The following EML6 variants were observed in gnomAD, a reference collection of about 807,000 sequenced individuals.
EML6 encodes echinoderm microtubule-associated protein-like 6.
EML6 carries 154 observed loss-of-function variants against 240.1 expected under a neutral mutation model. The ratio of observed to expected loss-of-function variants is 0.64; its 90% CI spans 0.56 to 0.73. The LOEUF (loss-of-function observed/expected upper bound fraction) is 0.73. Ranked by LOEUF, EML6 falls within the 30% of genes least tolerant of loss-of-function variation. The pLI is 0.00. For missense variants in EML6, 2,964 were observed against 2,474.6 expected (o/e 1.20, Z -4.20); for synonymous variants, 1,148 against 899.0 (o/e 1.28, Z -4.95).
chr2:54,871,052 A>C (rs1219579886), intron 15 of EML6, among the ~76,000 whole-genome samples: 1 of 152,170 alleles, frequency 6.6e-6, no homozygotes, highest in Non-Finnish European at 1.5e-5. Context: ...GTTATTTCCC[A>C]GGGGGAGAAG....
intron 5 of EML6, among the ~76,000 whole-genome samples, chr2:54,823,866 C>T (rs1668448888): frequency 1.3e-5 from 2 of 148,214 alleles, no homozygotes; most frequent in Non-Finnish European, 3.0e-5. Context: ...CTCTCTCTCT[C>T]TCTCTCTCTC....
At chr2:54,966,224 A>C (rs965664413) in intron 38 of EML6, among the ~76,000 whole-genome samples, 26 of 152,220 alleles carry the variant, frequency 1.7e-4, no homozygotes, top group African/African-American at 6.0e-4. Context: ...CAAGGTGCTG[A>C]ATTTAGATGC....
chr2:54,937,573 A>AG (rs1177972189), intron 28 of EML6, among the ~76,000 whole-genome samples: 1 of 151,272 alleles, frequency 6.6e-6, no homozygotes, highest in African/African-American at 2.4e-5. Context: ...AAAAAAAAAA[A>AG]AAAAAAAAAG....
At chr2:54,834,174 C>T (rs756494634) in intron 7 of EML6, among the ~76,000 whole-genome samples, 12 of 152,158 alleles carry the variant, frequency 7.9e-5, no homozygotes, top group Non-Finnish European at 1.2e-4. Context: ...AGAACTCCCT[C>T]ACTTCATGGA....
intron 2 of EML6, among the ~76,000 whole-genome samples, chr2:54,751,862 A>G (rs1030292296): frequency 6.6e-6 from 1 of 152,220 alleles, no homozygotes; most frequent in Non-Finnish European, 1.5e-5. Flanking sequence ...CAAAAAGAGG[A>G]TGAAACTTTT....
chr2:54,805,575 G>A (rs1670424876), intron 2 of EML6, among the ~76,000 whole-genome samples: 1 of 151,980 alleles, frequency 6.6e-6, no homozygotes, highest in Non-Finnish European at 1.5e-5. Context: ...TATATTCTGG[G>A]TAGAACTTTG....
Position 54,869,367 on chromosome 2 carries a change from G to C in EML6, c.2238G>C (p.Gln746His). The change falls in exon 15 of 42, where the codon CAG (glutamine) becomes CAC (histidine). Residue 746 changes from glutamine to histidine, a missense_variant and splice_region_variant. Gln to His is a conservative substitution (Grantham distance 24). Coordinates refer to ENST00000356458, the MANE Select transcript of EML6 (RefSeq NM_001039753.4). ...TGAAGGACTATGTGGCTACTGGGCA[G>C]GTATCTATCTCCTGTAAACTAGGGC... ...HPVKDYVATG[Q>H]VGRDAAIHVW... is the part of the protein sequence containing the mutation. The C allele has an allele frequency of 6.5e-7, 1 of 1,544,924 alleles. No homozygotes were observed. The highest frequency in any genetic ancestry group is 8.8e-7 in the Non-Finnish European group (1 of 1,142,216).
At chr2:54,864,031 T>C (rs1474993306) in intron 13 of EML6, 142 bp downstream of exon 13, 1 of 556,476 alleles carries the variant, frequency 1.8e-6, no homozygotes, top group African/African-American at 2.0e-5. Context: ...TTTGTGCCTT[T>C]AAGTGCAGGT....
chr2:54,732,427 C>T (rs1329720350), intron 2 of EML6, among the ~76,000 whole-genome samples: 1 of 152,056 alleles, frequency 6.6e-6, no homozygotes, highest in Non-Finnish European at 1.5e-5. Flanking sequence ...ATAGTTTTAG[C>T]TCTTACATTT....
intron 2 of EML6, among the ~76,000 whole-genome samples, chr2:54,760,684 T>G (rs1667940011): frequency 6.6e-6 from 1 of 152,176 alleles, no homozygotes; most frequent in South Asian, 2.1e-4. Flanking sequence ...TATGAAGAAG[T>G]AAGTTTCTAT....
intron 7 of EML6, among the ~76,000 whole-genome samples, chr2:54,841,507 T>A (rs1157636324): frequency 2.6e-5 from 4 of 152,102 alleles, no homozygotes; most frequent in Non-Finnish European, 2.9e-5. Context: ...AAGATCAAGA[T>A]TATAGTTAGG....
chr2:54,861,702 G>T (rs1670680073), intron 12 of EML6, among the ~76,000 whole-genome samples: 1 of 151,746 alleles, frequency 6.6e-6, no homozygotes, highest in Admixed American at 6.6e-5. Context: ...AAAACCATTG[G>T]CCAGTCAGAT....
intron 26 of EML6, among the ~76,000 whole-genome samples, chr2:54,925,146 G>T (rs1007796162): frequency 6.6e-6 from 1 of 152,050 alleles, no homozygotes; most frequent in African/African-American, 2.4e-5. Context: ...TAGAATCAGT[G>T]TCCTTATAGA....
At chr2:54,766,304 G>A (rs548583415) in intron 2 of EML6, among the ~76,000 whole-genome samples, 4 of 152,158 alleles carry the variant, frequency 2.6e-5, no homozygotes, top group Admixed American at 6.5e-5. Flanking sequence ...CCCAGATCAC[G>A]TGTTAAACAT....
chr2:54,945,849 G>C (rs1259119838), intron 28 of EML6, among the ~76,000 whole-genome samples: 1 of 152,232 alleles, frequency 6.6e-6, no homozygotes, highest in Non-Finnish European at 1.5e-5. Flanking sequence ...CTCTTCAGCA[G>C]CCCAGCGCTG....
At chr2:54,826,128 T>A (rs111231374) in intron 5 of EML6, among the ~76,000 whole-genome samples, 12 of 152,326 alleles carry the variant, frequency 7.9e-5, no homozygotes, top group African/African-American at 2.6e-4. Flanking sequence ...AGACAAAGAT[T>A]TCAGTATTTT....
chr2:54,859,747 G>A (rs1000126887), intron 12 of EML6, 46 bp downstream of exon 12: 4 of 1,464,700 alleles, frequency 2.7e-6, no homozygotes, highest in Admixed American at 2.6e-5. Flanking sequence ...TTTTCAATAG[G>A]CATTTCAAAG....
chr2:54,880,310 T>C (rs1671748234), intron 17 of EML6: 1 of 152,246 alleles, frequency 6.6e-6, no homozygotes, highest in Non-Finnish European at 1.5e-5. Flanking sequence ...GGCCCAGCAA[T>C]ACAATTTGTT....
chr2:54,723,711 C>G lies in EML6; in HGVS notation c.-580C>G, dbSNP rs1279262624. On this transcript the variant is annotated 5_prime_UTR_variant, in exon 1 of 42. Coordinates refer to ENST00000356458, the MANE Select transcript of EML6 (RefSeq NM_001039753.4). ...CGGGAGGCGGGGAGGGGAGGGCAGG[C>G]AGAGGATTTCGCTCGCTCGCCCGCG... is the stretch of plus-strand genomic sequence containing the variant. 1 of 152,308 alleles carries G rather than the reference C, an allele frequency of 6.6e-6. No homozygotes were observed. The highest frequency in any genetic ancestry group is 1.5e-5 in the Non-Finnish European group (1 of 68,146). 9.4% of individuals were successfully genotyped at this position (152,308 alleles called of 1,614,324 possible).
Sources: allele counts gnomAD v4.1 joint callset (sites outside exome capture counted in the v4.1 genomes callset), GRCh38; gene constraint gnomAD v4.1.1; transcripts MANE v1.5; gene names NCBI Gene and HGNC (gene_info 2026-07-23, HGNC 2026-07-21).